The following FGF1 variants were observed in gnomAD, a reference collection of about 807,000 sequenced individuals.
The protein encoded by FGF1 is fibroblast growth factor 1, also known as beta-endothelial cell growth factor.
FGF1 carries 9 observed loss-of-function variants against 13.4 expected under a neutral mutation model. The observed-to-expected ratio is 0.67, with a 90% confidence interval of 0.40 to 1.17. The LOEUF is 1.17. Among genes scored for constraint, FGF1 ranks in the 50% most tolerant of loss-of-function variants. The pLI, the probability that FGF1 is intolerant of heterozygous loss-of-function variation, is 0.01. For synonymous variants in FGF1, 93 were observed against 79.0 expected, an observed-to-expected ratio of 1.18 and a Z score of -0.94; for missense variants, 156 against 192.7, an observed-to-expected ratio of 0.81 and a Z score of 1.13.
intron 2 of FGF1, among the ~76,000 whole-genome samples, chr5:142,603,522 C>T (rs1757026398): frequency 6.6e-6 from 1 of 152,178 alleles, no homozygotes; most frequent in Non-Finnish European, 1.5e-5. Context: ...AAAGTGTACA[C>T]TCTGAGAGGA....
At chr5:142,618,857 C>G (rs1356491947) in intron 1 of FGF1, among the ~76,000 whole-genome samples, 1 of 150,854 alleles carries the variant, frequency 6.6e-6, no homozygotes, top group Non-Finnish European at 1.5e-5. Flanking sequence ...GGAAACTAAG[C>G]TGGAAGGAAA....
chr5:142,669,647 T>C (rs1481770251), intron 1 of FGF1, among the ~76,000 whole-genome samples: 1 of 152,030 alleles, frequency 6.6e-6, no homozygotes, highest in African/African-American at 2.4e-5. Flanking sequence ...GGACGACTGC[T>C]GCACTCGCTG....
In FGF1 at chr5:142,600,823, C is replaced by T. The variant is rs116973789; in HGVS notation, c.170-18G>A. The T allele has an allele frequency of 3.0e-4, 475 of 1,576,810 alleles. 3 individuals carry two copies. The South Asian group carries it at 4.8e-3, about 16-fold the overall frequency. On this transcript the variant is annotated intron_variant, in intron 2 of 3. Coordinates refer to ENST00000337706, the MANE Select transcript of FGF1 (RefSeq NM_000800.5). ...CAGCTGAACTGGAATAAAAATAACA[C>T]GAGCAAAAGTAAATAAACACTACGC...
At chr5:142,641,415 T>A (rs571449658) in intron 1 of FGF1, among the ~76,000 whole-genome samples, 2 of 152,158 alleles carry the variant, frequency 1.3e-5, no homozygotes, top group South Asian at 4.1e-4. Flanking sequence ...ATATTCAGAA[T>A]GTTTTTGTCT....
At chr5:142,641,870 T>C (rs1765256670) in intron 1 of FGF1, among the ~76,000 whole-genome samples, 1 of 150,576 alleles carries the variant, frequency 6.6e-6, no homozygotes, top group African/African-American at 2.5e-5. Flanking sequence ...CTTGAGAAAT[T>C]AGGTCACTCC....
At chr5:142,666,541 C>G (rs1469479597) in intron 1 of FGF1, among the ~76,000 whole-genome samples, 4 of 136,174 alleles carry the variant, frequency 2.9e-5, no homozygotes, top group African/African-American at 1.2e-4. Flanking sequence ...ACATGTTCCC[C>G]ACAAAAAAAA....
intron 1 of FGF1, among the ~76,000 whole-genome samples, chr5:142,676,000 G>A (rs770661725): frequency 5.3e-5 from 8 of 152,092 alleles, no homozygotes; most frequent in Non-Finnish European, 1.0e-4. Flanking sequence ...TTAAAACTTC[G>A]GAACAAGTAG....
At chr5:142,651,685 A>G (rs1251939533) in intron 1 of FGF1, among the ~76,000 whole-genome samples, 1 of 152,092 alleles carries the variant, frequency 6.6e-6, no homozygotes, top group Non-Finnish European at 1.5e-5. Context: ...AACCACTGAT[A>G]TTTTTACTGC....
At chr5:142,607,245 G>T (rs904096651) in intron 2 of FGF1, among the ~76,000 whole-genome samples, 3 of 152,116 alleles carry the variant, frequency 2.0e-5, no homozygotes, top group South Asian at 2.1e-4. Flanking sequence ...GGTGGATGAG[G>T]CACCTCTAAA....
chr5:142,624,457 C>T (rs1762141733), intron 1 of FGF1, among the ~76,000 whole-genome samples: 1 of 152,258 alleles, frequency 6.6e-6, no homozygotes, highest in African/African-American at 2.4e-5. Flanking sequence ...CACTGATGCA[C>T]TGCTCTCATT....
chr5:142,638,415 T>C (rs1482221440), intron 1 of FGF1, among the ~76,000 whole-genome samples: 1 of 152,066 alleles, frequency 6.6e-6, no homozygotes, highest in Non-Finnish European at 1.5e-5. Flanking sequence ...CCTCTGACTT[T>C]GCTCCATAGG....
intron 1 of FGF1, among the ~76,000 whole-genome samples, chr5:142,617,514 A>G (rs1447126671): frequency 1.3e-5 from 2 of 152,138 alleles, no homozygotes; most frequent in African/African-American, 4.8e-5. Context: ...TCCTGACCAC[A>G]GTGTACCTGC....
At chr5:142,623,830 C>A (rs1273781239) in intron 1 of FGF1, among the ~76,000 whole-genome samples, 1 of 151,024 alleles carries the variant, frequency 6.6e-6, no homozygotes, top group East Asian at 1.9e-4. Flanking sequence ...CTCACTGTAG[C>A]CTCAAATTCC....
intron 1 of FGF1, chr5:142,680,888 C>T (rs1773587464): frequency 6.6e-6 from 1 of 152,166 alleles, no homozygotes; most frequent in African/African-American, 2.4e-5. Flanking sequence ...AGGCCCCACC[C>T]AGAAAATGCA....
intron 1 of FGF1, among the ~76,000 whole-genome samples, chr5:142,623,427 C>T (rs1166729567): frequency 6.6e-6 from 1 of 151,960 alleles, no homozygotes; most frequent in Non-Finnish European, 1.5e-5. Context: ...TCACTGCAAC[C>T]TCCACCTCCC....
At chr5:142,673,468 C>T (rs1771882873) in intron 1 of FGF1, among the ~76,000 whole-genome samples, 1 of 152,288 alleles carries the variant, frequency 6.6e-6, no homozygotes, top group Non-Finnish European at 1.5e-5. Context: ...TAAATATGAC[C>T]AGTTACAAGC....
At chr5:142,634,864 C>CT (rs896590244) in intron 1 of FGF1, among the ~76,000 whole-genome samples, 1 of 149,424 alleles carries the variant, frequency 6.7e-6, no homozygotes, top group African/African-American at 2.5e-5. Context: ...TTGGTTATTG[C>CT]TTTTTTTTTC....
At chr5:142,616,543 A>G (rs1032844052) in intron 1 of FGF1, among the ~76,000 whole-genome samples, 1 of 152,214 alleles carries the variant, frequency 6.6e-6, no homozygotes, top group African/African-American at 2.4e-5. Flanking sequence ...TTTACCTTGC[A>G]TAGTACAATC....
In FGF1 at chr5:142,601,098, C is replaced by A. The variant is rs912386857; in HGVS notation, c.170-293G>T. 3 of 562,896 alleles carry A rather than the reference C, an allele frequency of 5.3e-6. No homozygotes were observed. In the East Asian group the frequency reaches 1.3e-4, roughly 25 times the overall value. 34.9% of individuals were successfully genotyped at this position (562,896 alleles called of 1,614,324 possible). On this transcript the variant is annotated intron_variant, in intron 2 of 3. Coordinates refer to ENST00000337706, the MANE Select transcript of FGF1 (RefSeq NM_000800.5). ...TGACCCTGAGTGCACCTTCACGGTG[C>A]CTCGCTCCTTTCTTTCTGTCACTTG...
Sources: allele counts gnomAD v4.1 joint callset (sites outside exome capture counted in the v4.1 genomes callset), GRCh38; gene constraint gnomAD v4.1.1; transcripts MANE v1.5; gene names NCBI Gene and HGNC (gene_info 2026-07-23, HGNC 2026-07-21).